MDGA2: variants seen among roughly 807,000 people sequenced by gnomAD.
The protein encoded by MDGA2 is MAM domain containing glycosylphosphatidylinositol anchor 2.
Under a neutral mutation model 117.8 loss-of-function variants are expected in MDGA2, and 40 were observed. That is an observed-to-expected ratio of 0.34 (90% CI 0.26 to 0.44). The LOEUF is 0.44. Among genes scored for constraint, MDGA2 ranks in the 20% least tolerant of loss-of-function variants. The pLI, the probability that MDGA2 is intolerant of heterozygous loss-of-function variation, is 1.00. For synonymous variants in MDGA2, 452 were observed against 439.0 expected, an observed-to-expected ratio of 1.03 and a Z score of -0.37; for missense variants, 1,123 against 1,250.6, an observed-to-expected ratio of 0.90 and a Z score of 1.54.
At chr14:46,960,436 G>C (rs1885749910) in intron 8 of MDGA2, 1 of 146,078 alleles carries the variant, frequency 6.8e-6, no homozygotes, top group African/African-American at 2.7e-5. Flanking sequence ...ATATATTTTA[G>C]TTTGTGGGCT....
intron 14 of MDGA2, among the ~76,000 whole-genome samples, chr14:46,858,414 CTTTTTCTTTTTTTCTT>C (rs367606629): frequency 1.5e-5 from 2 of 133,704 alleles, no homozygotes; most frequent in South Asian, 2.6e-4. Flanking sequence ...TTTTCTTTTT[CTTTTTCTTTTTTTCTT>C]TTTTTTTTTT....
At chr14:47,602,279 G>C (rs191046682) in intron 1 of MDGA2, among the ~76,000 whole-genome samples, 1 of 151,972 alleles carries the variant, frequency 6.6e-6, no homozygotes, top group African/African-American at 2.4e-5. Context: ...CCAAAAACAC[G>C]GGTAAGACCT....
intron 1 of MDGA2, among the ~76,000 whole-genome samples, chr14:47,391,047 C>G (rs1891882520): frequency 6.6e-6 from 1 of 152,162 alleles, no homozygotes; most frequent in South Asian, 2.1e-4. Flanking sequence ...TAGCATGTTA[C>G]TTTTGATGCT....
chr14:47,673,776 GT>G (rs1898119932), intron 1 of MDGA2, among the ~76,000 whole-genome samples: 1 of 151,848 alleles, frequency 6.6e-6, no homozygotes, highest in Non-Finnish European at 1.5e-5. Flanking sequence ...CCCTTCTCTA[GT>G]TCCTAAACCT....
chr14:46,897,919 T>G (rs1316769787), intron 10 of MDGA2, among the ~76,000 whole-genome samples: 1 of 151,942 alleles, frequency 6.6e-6, no homozygotes, highest in Non-Finnish European at 1.5e-5. Flanking sequence ...GATAGATAGA[T>G]CCTAATTTAA....
intron 7 of MDGA2, among the ~76,000 whole-genome samples, chr14:47,058,258 A>C (rs1889755632): frequency 6.6e-6 from 1 of 152,172 alleles, no homozygotes. Flanking sequence ...AAAGCTCAGA[A>C]ATTTTCAAAA....
chr14:47,196,071 T>C (rs1041683843), intron 3 of MDGA2, among the ~76,000 whole-genome samples: 2 of 152,132 alleles, frequency 1.3e-5, no homozygotes, highest in African/African-American at 4.8e-5. Context: ...GAGACATTTA[T>C]GTAATGACTT....
At chr14:47,345,282 T>C (rs1320642562) in intron 1 of MDGA2, among the ~76,000 whole-genome samples, 1 of 152,090 alleles carries the variant, frequency 6.6e-6, no homozygotes, top group Non-Finnish European at 1.5e-5. Context: ...GAAACAAAGA[T>C]GGTCTTCAGC....
chr14:47,265,201 A>G (rs1368634012), intron 2 of MDGA2, among the ~76,000 whole-genome samples: 1 of 152,188 alleles, frequency 6.6e-6, no homozygotes, highest in African/African-American at 2.4e-5. Context: ...ATATGGATTC[A>G]GTAGACATAA....
At chr14:47,304,326 G>A (rs1166780720) in intron 1 of MDGA2, among the ~76,000 whole-genome samples, 1 of 152,136 alleles carries the variant, frequency 6.6e-6, no homozygotes, top group Non-Finnish European at 1.5e-5. Flanking sequence ...GGCTAAACGA[G>A]ACCAAAGCCA....
intron 3 of MDGA2, among the ~76,000 whole-genome samples, chr14:47,192,896 T>C (rs1411513556): frequency 6.6e-6 from 1 of 152,218 alleles, no homozygotes; most frequent in Non-Finnish European, 1.5e-5. Context: ...TTCACTGCTA[T>C]AAAACTCCTT....
intron 1 of MDGA2, among the ~76,000 whole-genome samples, chr14:47,464,218 G>T (rs1893552533): frequency 6.6e-6 from 1 of 151,766 alleles, no homozygotes; most frequent in Admixed American, 6.6e-5. Context: ...ACCAAAGGTG[G>T]ATGTGAGATC....
At chr14:47,496,559 T>A (rs568095398) in intron 1 of MDGA2, among the ~76,000 whole-genome samples, 1 of 152,106 alleles carries the variant, frequency 6.6e-6, no homozygotes, top group Non-Finnish European at 1.5e-5. Context: ...ATTCCCCACC[T>A]TTTTTATAGA....
intron 1 of MDGA2, among the ~76,000 whole-genome samples, chr14:47,478,859 T>C (rs1463890317): frequency 2.0e-5 from 3 of 152,176 alleles, no homozygotes; most frequent in Non-Finnish European, 2.9e-5. Flanking sequence ...TTTGAAGAAT[T>C]AGAAATCTTT....
At chr14:47,305,520 A>G (rs1889414020) in intron 1 of MDGA2, among the ~76,000 whole-genome samples, 1 of 152,226 alleles carries the variant, frequency 6.6e-6, no homozygotes, top group Non-Finnish European at 1.5e-5. Flanking sequence ...ACATTCTTTT[A>G]TCTTGTTAGA....
At chr14:47,457,319 A>G (rs1566466491) in intron 1 of MDGA2, among the ~76,000 whole-genome samples, 2 of 152,214 alleles carry the variant, frequency 1.3e-5, no homozygotes, top group African/African-American at 2.4e-5. Context: ...TTAGACAGGT[A>G]TACTGCTTGA....
chr14:47,147,717 CT>C (rs1883000379), intron 3 of MDGA2, among the ~76,000 whole-genome samples: 1 of 152,172 alleles, frequency 6.6e-6, no homozygotes, highest in African/African-American at 2.4e-5. Flanking sequence ...GTCAGATCTA[CT>C]TGCTAGGTGT....
intron 3 of MDGA2, among the ~76,000 whole-genome samples, chr14:47,182,812 C>A (rs1395756941): frequency 6.6e-6 from 1 of 152,144 alleles, no homozygotes; most frequent in African/African-American, 2.4e-5. Context: ...ATATACAAAT[C>A]TGCTCTCAAA....
chr14:47,019,688 A>C (rs1313670554), intron 8 of MDGA2, among the ~76,000 whole-genome samples: 2 of 151,918 alleles, frequency 1.3e-5, no homozygotes, highest in East Asian at 3.9e-4. Flanking sequence ...CTAAAAATAC[A>C]AAAAAATTAG....
Sources: gnomAD v4.1 joint callset for allele counts (sites outside exome capture counted in the v4.1 genomes callset) on GRCh38, gnomAD v4.1.1 for gene constraint, MANE v1.5 for transcripts, NCBI Gene and HGNC (gene_info 2026-07-23, HGNC 2026-07-21) for gene names.